LRRC8D: variants seen among roughly 807,000 people sequenced by gnomAD.
LRRC8D encodes leucine rich repeat containing 8 VRAC subunit D.
A neutral mutation model predicts 55.8 loss-of-function variants in LRRC8D; 20 were observed. The ratio of observed to expected loss-of-function variants is 0.36; its 90% CI spans 0.25 to 0.52. The LOEUF (loss-of-function observed/expected upper bound fraction) is 0.52. LRRC8D is among the 20% of genes least tolerant of loss of function. The pLI, the probability that LRRC8D is intolerant of heterozygous loss-of-function variation, is 0.93. For synonymous variants in LRRC8D, 352 were observed against 377.0 expected, an observed-to-expected ratio of 0.93 and a Z score of 0.77; for missense variants, 651 against 1,030.8, an observed-to-expected ratio of 0.63 and a Z score of 5.05.
chr1:89,876,920 T>G (rs1662163307), intron 2 of LRRC8D, among the ~76,000 whole-genome samples: 2 of 152,244 alleles, frequency 1.3e-5, no homozygotes, highest in Non-Finnish European at 2.9e-5. Flanking sequence ...CCACTGGCCC[T>G]TGAAGTTTGG....
intron 2 of LRRC8D, among the ~76,000 whole-genome samples, chr1:89,878,016 T>C (rs1362094150): frequency 6.6e-6 from 1 of 152,238 alleles, no homozygotes; most frequent in East Asian, 1.9e-4. Context: ...CCTTTGTTTG[T>C]GTAAATGATA....
chr1:89,884,908 G>A (rs1166183139), intron 2 of LRRC8D, among the ~76,000 whole-genome samples: 4 of 152,044 alleles, frequency 2.6e-5, no homozygotes, highest in Admixed American at 2.6e-4. Context: ...CTTTTAAGAT[G>A]CTGTGTTTGC....
At chr1:89,876,163 G>T (rs1662141549) in intron 2 of LRRC8D, among the ~76,000 whole-genome samples, 1 of 152,074 alleles carries the variant, frequency 6.6e-6, no homozygotes, top group African/African-American at 2.4e-5. Flanking sequence ...CTGACACCTG[G>T]ACTTTCCTGG....
At chr1:89,886,019 C>T (rs1278686018) in intron 2 of LRRC8D, among the ~76,000 whole-genome samples, 2 of 152,146 alleles carry the variant, frequency 1.3e-5, no homozygotes, top group South Asian at 2.1e-4. Flanking sequence ...TGCATTTTTC[C>T]TTCTATTCCT....
chr1:89,878,942 G>A (rs985848284), intron 2 of LRRC8D, among the ~76,000 whole-genome samples: 4 of 150,716 alleles, frequency 2.7e-5, no homozygotes, highest in African/African-American at 9.8e-5. Context: ...ACTCTAGCCT[G>A]GGCAACAAGA....
Position 89,935,378 on chromosome 1 carries a change from A to G in LRRC8D, c.2310A>G (p.Gln770=), listed in dbSNP as rs201702511. ...TGNKVDILPK[Q]LFKCIKLRTL... ...ACAAAGTGGACATTCTGCCAAAACA[A>G]TTGTTTAAATGCATAAAGTTGAGGA... The change falls in exon 3 of 3, where the codon CAA becomes CAG. Residue 770 remains glutamine, a synonymous_variant. Coordinates refer to ENST00000337338, the MANE Select transcript of LRRC8D (RefSeq NM_001134479.2). 3.5e-5 allele frequency: 56 copies of G among 1,614,114 alleles called. No individual in the cohort carries two copies. The South Asian group carries it at 6.0e-4, about 17-fold the overall frequency.
In LRRC8D at chr1:89,895,688, G is replaced by A. The variant is rs188629649; in HGVS notation, c.-2-37379G>A. ...TGAACTTCTGAAAAGTTGATGAGAC[G>A]TTGAACTTCTGTAAGCTAAATTATT... On this transcript the variant is annotated intron_variant, in intron 2 of 2. Coordinates refer to ENST00000337338, the MANE Select transcript of LRRC8D (RefSeq NM_001134479.2). Among the ~76,000 whole-genome samples the A allele has an allele frequency of 2.8e-3, 409 of 148,526 alleles. 3 individuals carry two copies. The highest frequency in any genetic ancestry group is 0.01 in the African/African-American group (393 of 38,038).
intron 2 of LRRC8D, among the ~76,000 whole-genome samples, chr1:89,931,481 T>C (rs896312421): frequency 6.6e-6 from 1 of 151,992 alleles, no homozygotes; most frequent in African/African-American, 2.4e-5. Flanking sequence ...ATCTTCCTGG[T>C]TGGGTGTGGT....
intron 2 of LRRC8D, among the ~76,000 whole-genome samples, chr1:89,923,840 A>G (rs920907416): frequency 1.3e-5 from 2 of 152,210 alleles, no homozygotes; most frequent in Non-Finnish European, 2.9e-5. Context: ...TGGACTCCCT[A>G]TTCAATAAAT....
intron 2 of LRRC8D, among the ~76,000 whole-genome samples, chr1:89,894,824 C>T (rs761719250): frequency 6.6e-6 from 1 of 152,220 alleles, no homozygotes; most frequent in Non-Finnish European, 1.5e-5. Flanking sequence ...TACAAGTGTT[C>T]CATATCTTAC....
chr1:89,835,375 T>A (rs1169151876), intron 1 of LRRC8D, among the ~76,000 whole-genome samples: 3 of 152,206 alleles, frequency 2.0e-5, no homozygotes, highest in Admixed American at 6.5e-5. Context: ...TCTGTGTAGG[T>A]TCTATGGTTT....
rs370742341 is a variant in LRRC8D at position 89,933,050 on chromosome 1, G to A, written c.-2-17G>A. On this transcript the variant is annotated splice_polypyrimidine_tract_variant and intron_variant, in intron 2 of 2. Transcript: ENST00000337338. The surrounding 1 kb of genome is among the most constrained non-coding windows in gnomAD (Gnocchi z 7.0). The stretch of plus-strand genomic sequence containing the variant: ...TTGCATCTCTAGAATAATGTCTTTT[G>A]TCTTCTTGTTTTCTAGGAATGTTTA... The A allele has an allele frequency of 1.3e-6, 2 of 1,594,052 alleles. No individual in the cohort carries two copies.
chr1:89,906,951 G>T (rs892461599), intron 2 of LRRC8D, among the ~76,000 whole-genome samples: 6 of 152,002 alleles, frequency 3.9e-5, no homozygotes, highest in African/African-American at 1.4e-4. Context: ...AAAAGGAATA[G>T]GTCTGGGTGG....
chr1:89,840,264 A>G (rs1241927037), intron 1 of LRRC8D, among the ~76,000 whole-genome samples: 3 of 152,204 alleles, frequency 2.0e-5, no homozygotes, highest in Non-Finnish European at 4.4e-5. Context: ...AGCGGCTATG[A>G]GAAAGAAACA....
At chr1:89,868,495 G>A (rs890877486) in intron 2 of LRRC8D, among the ~76,000 whole-genome samples, 1 of 152,102 alleles carries the variant, frequency 6.6e-6, no homozygotes, top group African/African-American at 2.4e-5. Flanking sequence ...CACGAATGAG[G>A]TTTATTTATG....
intron 1 of LRRC8D, among the ~76,000 whole-genome samples, chr1:89,832,052 G>A (rs1057458258): frequency 1.3e-5 from 2 of 152,190 alleles, no homozygotes; most frequent in East Asian, 1.9e-4. Flanking sequence ...GCACACTGCC[G>A]GGAGGATATT....
chr1:89,842,309 A>G (rs896648340), intron 1 of LRRC8D, among the ~76,000 whole-genome samples: 2 of 152,006 alleles, frequency 1.3e-5, no homozygotes, highest in Admixed American at 1.3e-4. Flanking sequence ...ACCTGTATTC[A>G]GTTCTCCATT....
chr1:89,914,717 A>AT (rs1663217155), intron 2 of LRRC8D, among the ~76,000 whole-genome samples: 1 of 132,026 alleles, frequency 7.6e-6, no homozygotes, highest in Non-Finnish European at 1.6e-5. Context: ...TTTTTTTTGC[A>AT]TTTATACACT....
chr1:89,845,024 G>C (rs1336164715), intron 2 of LRRC8D, among the ~76,000 whole-genome samples: 1 of 152,182 alleles, frequency 6.6e-6, no homozygotes, highest in Non-Finnish European at 1.5e-5. Flanking sequence ...TAGCACAGAG[G>C]AAAAGTGAAT....
Sources: allele counts gnomAD v4.1 joint callset (sites outside exome capture counted in the v4.1 genomes callset), GRCh38; gene constraint gnomAD v4.1.1; non-coding constraint Gnocchi (gnomAD v3.1); transcripts MANE v1.5; gene names NCBI Gene and HGNC (gene_info 2026-07-23, HGNC 2026-07-21).